Variants in SRFBP1 observed in about 807,000 individuals in gnomAD.
The protein encoded by SRFBP1 is serum response factor binding protein 1.
In SRFBP1, 47 loss-of-function variants were observed where a neutral mutation model predicts 45.5. That is an observed-to-expected ratio of 1.03 (90% CI 0.82 to 1.32). SRFBP1 has a LOEUF of 1.32. Ranked by LOEUF, SRFBP1 falls within the 40% of genes most tolerant of loss-of-function variation. The probability of loss-of-function intolerance (pLI) is 0.00; values close to 1 mark genes in which losing one functional copy is unlikely to be tolerated. For missense variants in SRFBP1, 621 were observed against 484.6 expected, an observed-to-expected ratio of 1.28 and a Z score of -2.64; for synonymous variants, 203 against 166.3, an observed-to-expected ratio of 1.22 and a Z score of -1.70.
At chr5:122,032,309 G>A (rs934171293), downstream of SRFBP1, among the ~76,000 whole-genome samples, 2 of 149,620 alleles carry the variant, frequency 1.3e-5, no homozygotes, top group African/African-American at 4.9e-5. Context: ...AACACTGTTC[G>A]TGAAGTCAGA....
rs116661349 is a variant in SRFBP1 at position 122,045,578 on chromosome 5, G to C, written n.311+23171G>C. Among the ~76,000 whole-genome samples the C allele has an allele frequency of 5.0e-3, 761 of 152,236 alleles. 10 individuals are homozygous for C. The highest frequency in any genetic ancestry group is 0.017 in the African/African-American group (718 of 41,550). On this transcript the variant is annotated intron_variant and non_coding_transcript_variant, in intron 2 of 2. Transcript: ENST00000504881. ...ATTGTAGAGATCTTTCACCTCAATA[G>C]TTAGCTGTATTCCTAGGTATTTTAT...
At chr5:122,029,658 A>G (rs1265168993), downstream of SRFBP1, among the ~76,000 whole-genome samples, 1 of 152,156 alleles carries the variant, frequency 6.6e-6, no homozygotes, top group African/African-American at 2.4e-5. Flanking sequence ...TATGGTTTGG[A>G]AACTTCAGGC....
intron 3 of SRFBP1, among the ~76,000 whole-genome samples, chr5:121,989,537 G>A (rs189567981): frequency 3.9e-4 from 59 of 152,266 alleles, no homozygotes; most frequent in Non-Finnish European, 6.6e-4. Context: ...TGGTGCATGC[G>A]GGACTAGGTG....
chr5:122,033,016 G>T (rs1284544439), downstream of SRFBP1, among the ~76,000 whole-genome samples: 1 of 152,084 alleles, frequency 6.6e-6, no homozygotes, highest in Admixed American at 6.6e-5. Context: ...CTTTGTGACA[G>T]TAAGATGGGT....
At chr5:121,998,457 T>C (rs1229120140) in intron 4 of SRFBP1, among the ~76,000 whole-genome samples, 3 of 137,156 alleles carry the variant, frequency 2.2e-5, no homozygotes, top group Non-Finnish European at 3.1e-5. Context: ...TAGGTGGGAA[T>C]TGAACAATGA....
intron 2 of SRFBP1, chr5:122,063,245 A>G (rs541317226): frequency 2.0e-5 from 3 of 152,004 alleles, no homozygotes; most frequent in Non-Finnish European, 4.4e-5. Flanking sequence ...TTGCAATCAT[A>G]GTATAGATGT....
intron 4 of SRFBP1, among the ~76,000 whole-genome samples, chr5:122,005,448 G>T (rs904448396): frequency 6.6e-6 from 1 of 152,008 alleles, no homozygotes; most frequent in Non-Finnish European, 1.5e-5. Context: ...ACTGAGTATA[G>T]TTACTCCTAC....
chr5:122,062,717 G>A (rs1754193496), intron 2 of SRFBP1, among the ~76,000 whole-genome samples: 1 of 151,960 alleles, frequency 6.6e-6, no homozygotes, highest in Non-Finnish European at 1.5e-5. Flanking sequence ...AATTTTGTGA[G>A]TTGTTCCCCC....
At chr5:122,014,451 G>A (rs1753156710) in intron 4 of SRFBP1, among the ~76,000 whole-genome samples, 1 of 151,850 alleles carries the variant, frequency 6.6e-6, no homozygotes, top group Admixed American at 6.6e-5. Flanking sequence ...TATGCAACAC[G>A]GTGGCCCTTT....
intron 2 of SRFBP1, among the ~76,000 whole-genome samples, chr5:122,033,933 C>T (rs1167760209): frequency 2.0e-5 from 3 of 147,714 alleles, no homozygotes; most frequent in South Asian, 4.3e-4. Flanking sequence ...CAGCAGTTCT[C>T]CTGCCTCAGC....
chr5:121,985,111 T>G (rs1752485160), intron 3 of SRFBP1, among the ~76,000 whole-genome samples: 1 of 151,880 alleles, frequency 6.6e-6, no homozygotes, highest in African/African-American at 2.4e-5. Flanking sequence ...TGTCTGCCTT[T>G]GAGAAGCTTA....
intron 2 of SRFBP1, chr5:122,066,668 A>G (rs1754307712): frequency 1.7e-6 from 2 of 1,177,328 alleles, no homozygotes; most frequent in African/African-American, 3.1e-5. Context: ...CATAAATCCT[A>G]CTGAAGTTAG....
chr5:121,980,608 A>G (rs947513855), intron 3 of SRFBP1, among the ~76,000 whole-genome samples: 3 of 152,176 alleles, frequency 2.0e-5, no homozygotes, highest in African/African-American at 7.2e-5. Context: ...CTTATGGAGA[A>G]GAAAAATGTT....
At position 122,057,818 on chromosome 5, in the gene SRFBP1, A is replaced by G. The variant is rs569902500; in HGVS notation, n.312-17497A>G. 1.2e-4 allele frequency among the ~76,000 whole-genome samples: 18 copies of G among 152,080 alleles called. No homozygotes were observed. The South Asian group carries it at 2.7e-3, about 23-fold the overall frequency. ...CTCAGCCTCCTGAGCAGCTGGGACT[A>G]CAGGCATGCACCACTACTCCTGACT... On this transcript the variant is annotated intron_variant and non_coding_transcript_variant, in intron 2 of 2. Transcript: ENST00000504881.
intron 7 of SRFBP1, among the ~76,000 whole-genome samples, chr5:122,023,550 A>G (rs1753407975): frequency 1.3e-5 from 2 of 152,218 alleles, no homozygotes; most frequent in African/African-American, 2.4e-5. Context: ...CAGGTCTACT[A>G]TCTGAAATTC....
chr5:122,015,337 G>T (rs1015963032), intron 4 of SRFBP1, among the ~76,000 whole-genome samples: 8 of 152,230 alleles, frequency 5.3e-5, no homozygotes, highest in African/African-American at 1.9e-4. Flanking sequence ...CTTTAATTTG[G>T]CAACAGAAGT....
chr5:122,078,226 G>A, downstream of SRFBP1: 1 of 413,314 alleles, frequency 2.4e-6, no homozygotes, highest in Admixed American at 4.5e-5. Flanking sequence ...GCAACGGGGA[G>A]CGGCGCGGCA....
At chr5:122,047,583 G>A (rs1753887599) in intron 2 of SRFBP1, among the ~76,000 whole-genome samples, 1 of 152,172 alleles carries the variant, frequency 6.6e-6, no homozygotes, top group Admixed American at 6.5e-5. Context: ...ATTCTGTGAA[G>A]AAAGTCATTG....
rs552212697 is a variant in SRFBP1 at position 122,016,476 on chromosome 5, G to A, written c.271-2784G>A. ...AGTCTGAAACCATTGTGATCTGTGC[G>A]TCTTTTCTTTTTAGTTTATTATTTG... On this transcript the variant is annotated intron_variant, in intron 4 of 7. Transcript: ENST00000339397. 1.5e-4 allele frequency among the ~76,000 whole-genome samples: 23 copies of A among 152,156 alleles called. No individual in the cohort carries two copies. The South Asian group carries it at 1.7e-3, about 11-fold the overall frequency.
Sources: gnomAD v4.1 joint callset for allele counts (sites outside exome capture counted in the v4.1 genomes callset) on GRCh38, gnomAD v4.1.1 for gene constraint, MANE v1.5 for transcripts, NCBI Gene and HGNC (gene_info 2026-07-23, HGNC 2026-07-21) for gene names.